KDELR2: variants seen among roughly 807,000 people sequenced by gnomAD.
The protein encoded by KDELR2 is ER lumen protein-retaining receptor 2.
A neutral mutation model predicts 23.9 loss-of-function variants in KDELR2; 15 were observed. The observed-to-expected ratio is 0.63, with a 90% CI of 0.42 to 0.97. The LOEUF is 0.97. Among genes scored for constraint, KDELR2 ranks in the 50% least tolerant of loss-of-function variants. KDELR2 has a pLI of 0.00. For synonymous variants in KDELR2, 119 were observed against 106.2 expected, an observed-to-expected ratio of 1.12 and a Z score of -0.74; for missense variants, 272 against 254.6, an observed-to-expected ratio of 1.07 and a Z score of -0.46.
chr7:6,476,723 T>C (rs1785763189), intron 1 of KDELR2, among the ~76,000 whole-genome samples: 1 of 152,172 alleles, frequency 6.6e-6, no homozygotes, highest in Non-Finnish European at 1.5e-5. Context: ...GGATGTCATC[T>C]CTGAAGATAC....
chr7:6,474,576 T>A (rs566241961), intron 1 of KDELR2, among the ~76,000 whole-genome samples: 4 of 152,314 alleles, frequency 2.6e-5, no homozygotes, highest in Admixed American at 2.0e-4. Flanking sequence ...ACCTTTTACT[T>A]CTCAAATATA....
chr7:6,467,884 C>T (rs1785535621), intron 3 of KDELR2, among the ~76,000 whole-genome samples: 1 of 152,208 alleles, frequency 6.6e-6, no homozygotes, highest in Non-Finnish European at 1.5e-5. Context: ...AAGAGGCACT[C>T]AGGAGCAGAT....
chr7:6,469,446 G>A lies in KDELR2; in HGVS notation c.351+150C>T, dbSNP rs763566378. The A allele has an allele frequency of 1.1e-4, 68 of 617,662 alleles. 1 individual carries two copies. Among genetic ancestry groups the A allele is most frequent in the South Asian group, 4.8e-4 (23 of 48,212 alleles). 38.3% of individuals were successfully genotyped at this position (617,662 alleles called of 1,614,324 possible). On this transcript the variant is annotated intron_variant, in intron 3 of 4. Coordinates refer to ENST00000258739, the MANE Select transcript of KDELR2 (RefSeq NM_006854.4). ...AATTTTTTGTATTTTTAGTAGAGAC[G>A]GTGTTGCACCATGTTGGCCAGGCTG...
chr7:6,478,188 C>A (rs1310985809), intron 1 of KDELR2, among the ~76,000 whole-genome samples: 1 of 151,866 alleles, frequency 6.6e-6, no homozygotes, highest in African/African-American at 2.4e-5. Flanking sequence ...CAGAACCTCA[C>A]TCAGTTGCCC....
intron 3 of KDELR2, 61 bp from the exon 4 acceptor site, chr7:6,466,384 C>T: frequency 6.3e-7 from 1 of 1,584,788 alleles, no homozygotes; most frequent in East Asian, 2.2e-5. Flanking sequence ...TCAGAGGAAA[C>T]ACTCTTGCTT....
intron 2 of KDELR2, among the ~76,000 whole-genome samples, chr7:6,471,918 T>G (rs1464885165): frequency 2.0e-5 from 3 of 151,846 alleles, no homozygotes; most frequent in African/African-American, 7.3e-5. Context: ...TTTTTTTTTT[T>G]TGAAACGGAG....
chr7:6,470,500 C>G (rs575698962), intron 2 of KDELR2: 1 of 152,146 alleles, frequency 6.6e-6, no homozygotes, highest in Non-Finnish European at 1.5e-5. Context: ...GGGATAGGCT[C>G]TGGCCACCTG....
At chr7:6,482,157 C>G (rs957414131) in intron 1 of KDELR2, among the ~76,000 whole-genome samples, 3 of 152,130 alleles carry the variant, frequency 2.0e-5, no homozygotes, top group African/African-American at 7.2e-5. Context: ...CATGCACCAC[C>G]ACGCCCGGCT....
chr7:6,472,917 T>C (rs78531333), intron 2 of KDELR2, among the ~76,000 whole-genome samples: 19 of 126,242 alleles, frequency 1.5e-4, no homozygotes, highest in African/African-American at 4.2e-4. Flanking sequence ...TTTTTTTTTT[T>C]CAGACAGGAT....
At chr7:6,466,427 G>C in intron 3 of KDELR2, 104 bp from the exon 4 acceptor site, 1 of 1,443,098 alleles carries the variant, frequency 6.9e-7, no homozygotes, top group African/African-American at 1.4e-5. Context: ...GATGAGTGGG[G>C]AGTGGGGCAT....
chr7:6,481,745 A>C (rs964241018), intron 1 of KDELR2, among the ~76,000 whole-genome samples: 10 of 152,110 alleles, frequency 6.6e-5, no homozygotes, highest in African/African-American at 2.2e-4. Context: ...ACAAACAAAC[A>C]AACAAACAAA....
intron 2 of KDELR2, chr7:6,473,954 A>G (rs1485628225): frequency 5.5e-6 from 2 of 364,626 alleles, no homozygotes; most frequent in African/African-American, 2.1e-5. Context: ...TTCTAACTTC[A>G]AAGTATTTTA....
intron 4 of KDELR2, among the ~76,000 whole-genome samples, chr7:6,464,963 T>C (rs1410201924): frequency 1.3e-5 from 2 of 151,948 alleles, no homozygotes; most frequent in Non-Finnish European, 2.9e-5. Context: ...CTTGAACTCC[T>C]GACCTCAGAC....
At chr7:6,470,421 AGCGC>A (rs1785605580) in intron 2 of KDELR2, 1 of 152,112 alleles carries the variant, frequency 6.6e-6, no homozygotes, top group African/African-American at 2.4e-5. Context: ...GGTGTGGGTG[AGCGC>A]GCCCTGTGAT....
chr7:6,481,481 T>G (rs901290200), intron 1 of KDELR2, among the ~76,000 whole-genome samples: 1 of 152,048 alleles, frequency 6.6e-6, no homozygotes, highest in African/African-American at 2.4e-5. Flanking sequence ...GGCTTAATGA[T>G]TTGCCAGAGG....
intron 1 of KDELR2, among the ~76,000 whole-genome samples, chr7:6,481,339 T>TGG: frequency 7.7e-6 from 1 of 129,066 alleles, no homozygotes; most frequent in Non-Finnish European, 1.6e-5. Flanking sequence ...CGCTCCAGCC[T>TGG]GGGACACAAG....
chr7:6,470,036 T>TG (rs1785595419), intron 2 of KDELR2: 1 of 273,054 alleles, frequency 3.7e-6, no homozygotes, highest in African/African-American at 2.2e-5. Context: ...CTTCACCTCC[T>TG]GCAGTGCAAT....
intron 1 of KDELR2, among the ~76,000 whole-genome samples, chr7:6,483,671 C>T (rs1785961854): frequency 6.6e-6 from 1 of 152,242 alleles, no homozygotes; most frequent in African/African-American, 2.4e-5. Context: ...ACCCCCCGTC[C>T]CACGCCAACT....
At chr7:6,483,720 C>A (rs1050863285) in intron 1 of KDELR2, among the ~76,000 whole-genome samples, 22 of 152,200 alleles carry the variant, frequency 1.4e-4, no homozygotes, top group African/African-American at 4.8e-4. Flanking sequence ...CGGGTGCGCT[C>A]CGACAGCTCA....
Sources: allele counts gnomAD v4.1 joint callset (sites outside exome capture counted in the v4.1 genomes callset), GRCh38; gene constraint gnomAD v4.1.1; transcripts MANE v1.5; gene names NCBI Gene and HGNC (gene_info 2026-07-23, HGNC 2026-07-21).